Variants in LTBP4 observed in about 807,000 individuals in gnomAD.
The protein encoded by LTBP4 is latent transforming growth factor beta binding protein 4.
A neutral mutation model predicts 180.2 loss-of-function variants in LTBP4; 93 were observed. The observed-to-expected ratio is 0.52, with a 90% CI of 0.44 to 0.61. The LOEUF (loss-of-function observed/expected upper bound fraction) is 0.61. Among genes scored for constraint, LTBP4 ranks in the 20% least tolerant of loss-of-function variants. LTBP4 has a pLI of 0.00. For missense variants in LTBP4, 2,116 were observed against 2,256.5 expected, an observed-to-expected ratio of 0.94 and a Z score of 1.26; for synonymous variants, 947 against 934.5, an observed-to-expected ratio of 1.01 and a Z score of -0.24.
chr19:40,604,273 G>T (rs993907094), intron 1 of LTBP4, among the ~76,000 whole-genome samples: 1 of 152,186 alleles, frequency 6.6e-6, no homozygotes, highest in Admixed American at 6.5e-5. Flanking sequence ...TACAAAGGGG[G>T]CACAGCCAGG....
chr19:40,629,402 A>G lies in LTBP4; in HGVS notation c.4526A>G (p.Asn1509Ser). ...CGTTGTCTCCCCTCCGCAGACATCA[A>G]CGAGTGTGATGAGGCCGAGGCTGCC... ...DMTRMACVDI[N>S]ECDEAEAASP... Residue 1509 changes from asparagine to serine, a missense_variant, in exon 30 of 30, where the codon AAC becomes AGC. Asn to Ser is a conservative substitution (Grantham distance 46, BLOSUM62 1). This residue lies in a region of LTBP4 where 488 missense variants were observed against 458.8 expected (regional missense o/e 1.06). Transcript: ENST00000396819. This position sits in a 1 kb window ranked among gnomAD's most constrained non-coding sequence, Gnocchi z 4.5. 3.7e-6 allele frequency: 6 copies of G among 1,612,934 alleles called. No individual in the cohort carries two copies. The highest frequency in any genetic ancestry group is 5.1e-6 in the Non-Finnish European group (6 of 1,179,592).
Position 40,609,112 on chromosome 19 carries a change from C to T in LTBP4, c.1427-418C>T, listed in dbSNP as rs117605921. Among the ~76,000 whole-genome samples the T allele has an allele frequency of 0.013, 1,935 of 152,192 alleles. 15 individuals carry two copies. The highest frequency in any genetic ancestry group is 0.019 in the Non-Finnish European group (1,304 of 68,004). ...GTGTCAATCGAGCAAGCCATTTAAC[C>T]TCTGAGACTCAGTTTTCTCATTGGT... On this transcript the variant is annotated intron_variant, in intron 9 of 29. Transcript: ENST00000396819. The surrounding 1 kb of genome is among the most constrained non-coding windows in gnomAD (Gnocchi z 4.9).
Position 40,613,721 on chromosome 19 carries a change from G to A in LTBP4, c.2557+192G>A, listed in dbSNP as rs1294323512. 3 of 1,215,712 alleles carry A rather than the reference G, an allele frequency of 2.5e-6. No homozygotes were observed. The African/African-American group carries it at 4.5e-5, about 18-fold the overall frequency. The allele number at this position is 1,215,712 out of a possible 1,614,324, so 75.3% of individuals were successfully genotyped here. A position where few individuals can be genotyped will look rare whatever the true frequency, so the allele number is the denominator to read the frequency against. ...CGTGGAGATGAAAGGGCCGAGTCTG[G>A]GTATTTGGACCGTGATTGTAAAGAA... is the stretch of plus-strand genomic sequence containing the variant. On this transcript the variant is annotated intron_variant, in intron 17 of 29. Transcript: ENST00000396819. The surrounding 1 kb of genome is among the most constrained non-coding windows in gnomAD (Gnocchi z 5.0).
At position 40,601,395 on chromosome 19, in the gene LTBP4, G is replaced by A; in HGVS notation, c.8G>A (p.Gly3Asp). MA[G>D]GVRLLWVSLL... Reference sequence around the variant, plus strand: ...GAGCGCGGCGCTGCAGCCATGGCGGGCGGCGTGCGGCTGCTCTGGGTGTCG... The same window carrying A: ...GAGCGCGGCGCTGCAGCCATGGCGGACGGCGTGCGGCTGCTCTGGGTGTCG... The change falls in exon 1 of 30, where the codon GGC (glycine) becomes GAC (aspartate). Residue 3 changes from glycine (G) to aspartate (D), a missense_variant. Physicochemically the swap from Gly to Asp is moderately conservative, Grantham distance 94. This residue lies in a region of LTBP4 where 469 missense variants were observed against 532.5 expected (regional missense o/e 0.88). Coordinates refer to ENST00000396819, the MANE Select transcript of LTBP4 (RefSeq NM_001042545.2). The A allele has an allele frequency of 7.7e-7, 1 of 1,294,558 alleles. No individual in the cohort carries two copies. Among genetic ancestry groups the A allele is most frequent in the Non-Finnish European group, 9.8e-7 (1 of 1,015,842 alleles). 80.2% of individuals were successfully genotyped at this position (1,294,558 alleles called of 1,614,324 possible).
rs762730585 is a variant in LTBP4 at position 40,613,823 on chromosome 19, GC to G, written c.2558-91del. Reference sequence around the variant, plus strand: ...AGGCAGGTTGGGGAAGGCGTGAGAGGCCTAGGAGAGCCGAGGGGCGGTGGAG... The same window carrying G: ...AGGCAGGTTGGGGAAGGCGTGAGAGGCTAGGAGAGCCGAGGGGCGGTGGAG... On this transcript the variant is annotated intron_variant, in intron 17 of 29. Transcript: ENST00000396819. This position sits in a 1 kb window ranked among gnomAD's most constrained non-coding sequence, Gnocchi z 5.0. 1 of 1,565,510 alleles carries G rather than the reference GC, an allele frequency of 6.4e-7. No individual in the cohort carries two copies. The highest frequency in any genetic ancestry group is 8.7e-7 in the Non-Finnish European group (1 of 1,149,814).
chr19:40,597,537 G>C (rs1214515805), upstream of LTBP4, among the ~76,000 whole-genome samples: 1 of 152,172 alleles, frequency 6.6e-6, no homozygotes, highest in Admixed American at 6.6e-5. Flanking sequence ...ATTTGTAGGG[G>C]TTAGATTCGG....
chr19:40,617,020 G>T lies in LTBP4; in HGVS notation c.2944G>T (p.Asp982Tyr), dbSNP rs765293001. The T allele has an allele frequency of 2.5e-6, 4 of 1,613,028 alleles. No individual in the cohort carries two copies. The highest frequency in any genetic ancestry group is 1.7e-5 in the Admixed American group (1 of 60,016). The change falls in exon 20 of 30, where the codon GAT becomes TAT. Residue 982 changes from aspartate (D) to tyrosine (Y), a missense_variant and splice_region_variant. By Grantham distance (160) the Asp-to-Tyr change is radical. Coordinates refer to ENST00000396819, the MANE Select transcript of LTBP4 (RefSeq NM_001042545.2). Reference protein sequence around the residue: ...YQPTPGGGCQDVDECRNRSFC... With the variant: ...YQPTPGGGCQYVDECRNRSFC... ...GCCCACGCCAGGGGGCGGATGCCAGGGTGGGTGTCCATCAGGCATCGGGTG... is the reference window on the plus strand; with the variant it reads ...GCCCACGCCAGGGGGCGGATGCCAGTGTGGGTGTCCATCAGGCATCGGGTG...
chr19:40,622,675 T>C lies in LTBP4; in HGVS notation c.3484+8T>C. On this transcript the variant is annotated splice_region_variant and intron_variant, in intron 23 of 29. Coordinates refer to ENST00000396819, the MANE Select transcript of LTBP4 (RefSeq NM_001042545.2). This position sits in a 1 kb window ranked among gnomAD's most constrained non-coding sequence, Gnocchi z 5.1. ...GCCCGGGCACCGAGACAGGTGGGCA[T>C]GGGCTGATGGGGACACAGGGCTGAG... 1 of 1,594,572 alleles carries C rather than the reference T, an allele frequency of 6.3e-7. No individual in the cohort carries two copies. The highest frequency in any genetic ancestry group is 8.5e-7 in the Non-Finnish European group (1 of 1,170,756).
Position 40,613,258 on chromosome 19 carries a change from C to T in LTBP4, c.2431+62C>T, listed in dbSNP as rs991116236. The T allele has an allele frequency of 1.3e-6, 2 of 1,543,078 alleles. No individual in the cohort carries two copies. The highest frequency in any genetic ancestry group is 1.4e-5 in the African/African-American group (1 of 72,880). ...TAGGGCCTGGGTTCCAGGGCAAAGC[C>T]GGCTGGAAAGGTGGAGGCGGGACCA... On this transcript the variant is annotated intron_variant, in intron 16 of 29. Transcript: ENST00000396819. This position sits in a 1 kb window ranked among gnomAD's most constrained non-coding sequence, Gnocchi z 5.0.
At position 40,627,296 on chromosome 19, in the gene LTBP4, G is replaced by A. The variant is rs2081642273; in HGVS notation, c.4307G>A (p.Arg1436Gln). ...GGCACCCGCTGGCCCTATCGGTCCCGGGACACCCGCCGCTCCTTCCCAGAG... is the reference window on the plus strand; with the variant it reads ...GGCACCCGCTGGCCCTATCGGTCCCAGGACACCCGCCGCTCCTTCCCAGAG... ...GPGTRWPYRS[R>Q]DTRRSFPEPE... The change falls in exon 28 of 30, where the codon CGG (arginine) becomes CAG (glutamine). Residue 1436 changes from arginine (R) to glutamine (Q), a missense_variant. By Grantham distance (43) the Arg-to-Gln change is conservative (BLOSUM62 1). This residue lies in a region of LTBP4 where 488 missense variants were observed against 458.8 expected (regional missense o/e 1.06). Transcript: ENST00000396819. The A allele has an allele frequency of 4.0e-6, 6 of 1,499,520 alleles. No individual in the cohort carries two copies. The highest frequency in any genetic ancestry group is 1.7e-4 in the Middle Eastern group (1 of 5,820). 92.9% of individuals were successfully genotyped at this position (1,499,520 alleles called of 1,614,324 possible).
At chr19:40,604,200 A>C (rs545238223) in intron 1 of LTBP4, among the ~76,000 whole-genome samples, 1 of 152,230 alleles carries the variant, frequency 6.6e-6, no homozygotes, top group Middle Eastern at 3.4e-3. Flanking sequence ...TAGAGGCAGC[A>C]GGTTAAGCTC....
intron 1 of LTBP4, among the ~76,000 whole-genome samples, chr19:40,595,429 G>A (rs1359600538): frequency 1.4e-5 from 2 of 142,120 alleles, no homozygotes; most frequent in African/African-American, 2.7e-5. Flanking sequence ...GCCAGGCTCT[G>A]CCCCTGACCC....
rs754757253 is a variant in LTBP4 at position 40,627,005 on chromosome 19, GC to G, written c.4023del (p.Ala1342HisfsTer20). 6.3e-7 allele frequency: 1 copy of G among 1,586,740 alleles called. No homozygotes were observed. The highest frequency in any genetic ancestry group is 8.6e-7 in the Non-Finnish European group (1 of 1,163,252). ...DDFEALCNVL[R>X]PPAYSPPRPG... ...TTCGAGGCCCTGTGCAATGTGCTAC[GC>G]CCCCCCGCATATAGCCCCCCGCGAC... On this transcript the variant is annotated frameshift_variant, in exon 28 of 30. Coordinates refer to ENST00000396819, the MANE Select transcript of LTBP4 (RefSeq NM_001042545.2). LOFTEE classifies it high-confidence loss of function.
chr19:40,617,179 C>A lies in LTBP4; in HGVS notation c.3024C>A (p.Leu1008=). 2 of 1,613,854 alleles carry A rather than the reference C, an allele frequency of 1.2e-6. No homozygotes were observed. Among genetic ancestry groups the A allele is most frequent in the Non-Finnish European group, 1.7e-6 (2 of 1,179,848 alleles). The change falls in exon 21 of 30, where the codon CTC becomes CTA. Residue 1008 remains leucine (L), a synonymous_variant. Coordinates refer to ENST00000396819, the MANE Select transcript of LTBP4 (RefSeq NM_001042545.2). ...CQNLPGSFQC[L]CDQGYEGARD... ...ACCTGCCCGGCTCCTTCCAGTGCCT[C>A]TGTGACCAGGGTTACGAGGGGGCAC...
Position 40,608,610 on chromosome 19 carries a change from T to C in LTBP4, c.1426+7T>C. On this transcript the variant is annotated splice_region_variant and intron_variant, in intron 9 of 29. Transcript: ENST00000396819. ...CCTGAGATTCCTGAATCAGGTTTGC[T>C]AGAAAGAACTGAGGGCATTGGGCCT... The C allele has an allele frequency of 6.3e-7, 1 of 1,577,940 alleles. No individual in the cohort carries two copies.
chr19:40,613,880 G>T lies in LTBP4; in HGVS notation c.2558-36G>T. The T allele has an allele frequency of 6.2e-7, 1 of 1,612,798 alleles. No homozygotes were observed. Among genetic ancestry groups the T allele is most frequent in the Non-Finnish European group, 8.5e-7 (1 of 1,179,710 alleles). ...TGGCCTAGAATGTTAGGCGGAGCGG[G>T]AGGTGGGCCGGGCCTTCGGACGCCC... On this transcript the variant is annotated intron_variant, in intron 17 of 29. Coordinates refer to ENST00000396819, the MANE Select transcript of LTBP4 (RefSeq NM_001042545.2). The surrounding 1 kb of genome is among the most constrained non-coding windows in gnomAD (Gnocchi z 5.0).
chr19:40,605,508 T>A lies in LTBP4; in HGVS notation c.546T>A (p.Ala182=). The A allele has an allele frequency of 6.2e-7, 1 of 1,609,758 alleles. No individual in the cohort carries two copies. The highest frequency in any genetic ancestry group is 8.5e-7 in the Non-Finnish European group (1 of 1,178,706). Reference sequence around the variant, plus strand: ...CTGGCCCTTGGGAGGAGGCGGACGCTGAGGCGGTGGCGCGGGCGGAAGCGG... The same window carrying A: ...CTGGCCCTTGGGAGGAGGCGGACGCAGAGGCGGTGGCGCGGGCGGAAGCGG... ...RVSGPWEEAD[A]EAVARAEAAA... Residue 182 remains alanine (A), a synonymous_variant, in exon 3 of 30, where the codon GCT becomes GCA. Coordinates refer to ENST00000396819, the MANE Select transcript of LTBP4 (RefSeq NM_001042545.2). The surrounding 1 kb of genome is among the most constrained non-coding windows in gnomAD (Gnocchi z 5.5).
At position 40,610,732 on chromosome 19, in the gene LTBP4, C is replaced by A; in HGVS notation, c.1810+75C>A. The A allele has an allele frequency of 2.7e-6, 4 of 1,502,130 alleles. No homozygotes were observed. In the South Asian group the frequency reaches 5.3e-5, roughly 20 times the overall value. The allele number at this position is 1,502,130 out of a possible 1,614,324, so 93.1% of individuals were successfully genotyped here. On this transcript the variant is annotated intron_variant, in intron 12 of 29. Coordinates refer to ENST00000396819, the MANE Select transcript of LTBP4 (RefSeq NM_001042545.2). ...AGCGCAGTGATGAGGGCCAGAGAGA[C>A]TGAACAATAGGGCAAAGCGAGTTGA...
chr19:40,611,969 G>A lies in LTBP4; in HGVS notation c.2164G>A (p.Gly722Ser). 6.2e-7 allele frequency: 1 copy of A among 1,611,924 alleles called. No individual in the cohort carries two copies. The highest frequency in any genetic ancestry group is 1.1e-5 in the South Asian group (1 of 90,694). ...CATGGGCTTCCAACCCAACACTGCT[G>A]GCTCCGAGTGCGAGGGTGAGGCCGG... ...CPMGFQPNTAGSECEDVDECE... is the reference protein window; with the variant it reads ...CPMGFQPNTASSECEDVDECE... The change falls in exon 14 of 30, where the codon GGC becomes AGC. Residue 722 changes from glycine to serine, a missense_variant. By Grantham distance (56) the Gly-to-Ser change is moderately conservative (BLOSUM62 0). Transcript: ENST00000396819. The surrounding 1 kb of genome is among the most constrained non-coding windows in gnomAD (Gnocchi z 4.4).
Sources: gnomAD v4.1 joint callset for allele counts (sites outside exome capture counted in the v4.1 genomes callset) on GRCh38, gnomAD v4.1.1 for gene constraint, gnomAD v4.1.1 regional missense constraint, Gnocchi (gnomAD v3.1) non-coding constraint, MANE v1.5 for transcripts, NCBI Gene and HGNC (gene_info 2026-07-23, HGNC 2026-07-21) for gene names.